CAST: variants seen among roughly 807,000 people sequenced by gnomAD.
CAST encodes calpastatin.
CAST carries 76 observed loss-of-function variants against 119.6 expected under a neutral mutation model. That is an observed-to-expected ratio of 0.64 (90% CI 0.53 to 0.77). CAST has a LOEUF of 0.77. Ranked by LOEUF, CAST falls within the 30% of genes least tolerant of loss-of-function variation. The probability of loss-of-function intolerance (pLI) is 0.00; values close to 1 mark genes in which losing one functional copy is unlikely to be tolerated. For synonymous variants in CAST, 319 were observed against 331.6 expected (o/e 0.96, Z 0.41); for missense variants, 953 against 946.5 (o/e 1.01, Z -0.09).
At chr5:96,576,664 T>C (rs1174329436) in intron 1 of CAST, among the ~76,000 whole-genome samples, 1 of 152,152 alleles carries the variant, frequency 6.6e-6, no homozygotes, top group African/African-American at 2.4e-5. Flanking sequence ...AGATTTTTTT[T>C]CATATTTTTT....
the CAST span, among the ~76,000 whole-genome samples, chr5:96,349,620 A>C: frequency 6.6e-6 from 1 of 152,288 alleles, no homozygotes; most frequent in African/African-American, 2.4e-5. Context: ...CTGCTGAAAA[A>C]ATTTCACTAT....
the CAST span, among the ~76,000 whole-genome samples, chr5:95,971,347 G>A: frequency 3.3e-5 from 5 of 152,074 alleles, no homozygotes; most frequent in South Asian, 2.1e-4. Context: ...CAAAACAGAA[G>A]CATGGCATTG....
chr5:96,508,674 G>C, the CAST span, among the ~76,000 whole-genome samples: 1 of 152,146 alleles, frequency 6.6e-6, no homozygotes, highest in Non-Finnish European at 1.5e-5. Flanking sequence ...TTAGAGAGGC[G>C]CTACATCGGG....
the CAST span, among the ~76,000 whole-genome samples, chr5:96,458,451 G>A: frequency 6.6e-6 from 1 of 152,174 alleles, no homozygotes; most frequent in Non-Finnish European, 1.5e-5. Flanking sequence ...GATGGAGGAG[G>A]AGGGTAAACA....
chr5:96,145,141 G>A, the CAST span, among the ~76,000 whole-genome samples: 1 of 152,138 alleles, frequency 6.6e-6, no homozygotes, highest in Admixed American at 6.5e-5. Context: ...GCTGTCTTCA[G>A]CTATCAGTTA....
At chr5:96,544,825 TG>T in intron 1 of CAST, among the ~76,000 whole-genome samples, 4 of 90,730 alleles carry the variant, frequency 4.4e-5, no homozygotes, top group Non-Finnish European at 9.3e-5. Context: ...AGTTTAGGAG[TG>T]GATAAAAAAA....
chr5:96,000,062 AAT>A, the CAST span, among the ~76,000 whole-genome samples: 1 of 152,156 alleles, frequency 6.6e-6, no homozygotes, highest in Non-Finnish European at 1.5e-5. Context: ...TCTTTAGTGA[AAT>A]ATCTGCTCAT....
chr5:96,024,964 A>G, the CAST span, among the ~76,000 whole-genome samples: 2 of 152,062 alleles, frequency 1.3e-5, no homozygotes, highest in East Asian at 3.9e-4. Flanking sequence ...TATTTTTGTT[A>G]ATTTATTTCT....
the CAST span, among the ~76,000 whole-genome samples, chr5:96,166,550 A>G: frequency 6.6e-6 from 1 of 152,202 alleles, no homozygotes; most frequent in Non-Finnish European, 1.5e-5. Flanking sequence ...TAAGTGCTCC[A>G]GGTAGCTTTT....
At chr5:96,348,121 G>A in the CAST span, among the ~76,000 whole-genome samples, 1 of 152,142 alleles carries the variant, frequency 6.6e-6, no homozygotes. Flanking sequence ...ATCGGATGTA[G>A]TATCATGGAG....
chr5:96,697,492 A>G (rs368109687), intron 3 of CAST, among the ~76,000 whole-genome samples: 1 of 152,206 alleles, frequency 6.6e-6, no homozygotes, highest in East Asian at 1.9e-4. Context: ...CGTGCCTTTT[A>G]AAGACCTTTT....
At chr5:96,568,441 T>A (rs929353833) in intron 1 of CAST, among the ~76,000 whole-genome samples, 1 of 151,822 alleles carries the variant, frequency 6.6e-6, no homozygotes, top group Non-Finnish European at 1.5e-5. Context: ...AGGGGGTGCC[T>A]GTAATCCCAG....
chr5:95,992,406 CTT>C, the CAST span, among the ~76,000 whole-genome samples: 6 of 142,170 alleles, frequency 4.2e-5, no homozygotes, highest in Non-Finnish European at 6.2e-5. Context: ...CTTCTCTATG[CTT>C]TTTTTTTTTT....
At chr5:96,302,746 A>G in the CAST span, among the ~76,000 whole-genome samples, 5 of 152,220 alleles carry the variant, frequency 3.3e-5, no homozygotes, top group Non-Finnish European at 5.9e-5. Flanking sequence ...CCAGTTCCCA[A>G]TAAATTTCTT....
chr5:96,410,976 C>A, the CAST span: 1 of 1,612,358 alleles, frequency 6.2e-7, no homozygotes. Flanking sequence ...GGACCCCTTC[C>A]CCTGTCTCCC....
At chr5:96,656,801 T>C (rs1748165903) in intron 1 of CAST, among the ~76,000 whole-genome samples, 1 of 152,132 alleles carries the variant, frequency 6.6e-6, no homozygotes, top group African/African-American at 2.4e-5. Context: ...CGGGCAGATA[T>C]TCCAAATGGC....
chr5:95,962,089 G>A, the CAST span: 12 of 389,466 alleles, frequency 3.1e-5, no homozygotes, highest in Non-Finnish European at 5.5e-5. Context: ...CTGACGTCAC[G>A]TCTGGTCGTC....
the CAST span, among the ~76,000 whole-genome samples, chr5:96,494,037 A>ATAAC: frequency 1.9e-3 from 292 of 152,294 alleles, 1 homozygote; most frequent in Middle Eastern, 6.8e-3. Context: ...CCGTCTCAAA[A>ATAAC]TAACTAACTA....
the CAST span, among the ~76,000 whole-genome samples, chr5:96,467,359 C>T: frequency 6.6e-6 from 1 of 151,912 alleles, no homozygotes; most frequent in South Asian, 2.1e-4. Context: ...TTAATTGTTT[C>T]TTTTATTCCT....
Sources: gnomAD v4.1 joint callset for allele counts (sites outside exome capture counted in the v4.1 genomes callset) on GRCh38, gnomAD v4.1.1 for gene constraint, MANE v1.5 for transcripts, NCBI Gene and HGNC (gene_info 2026-07-23, HGNC 2026-07-21) for gene names.